The following PAWR variants were observed in gnomAD, a reference collection of about 807,000 sequenced individuals.
The protein encoded by PAWR is pro-apoptotic WT1 regulator.
A neutral mutation model predicts 32.0 loss-of-function variants in PAWR; 23 were observed. That is an observed-to-expected ratio of 0.72 (90% confidence interval 0.52 to 1.02). The LOEUF (loss-of-function observed/expected upper bound fraction) is 1.02, where lower values mean the gene tolerates loss of function less well. Ranked by LOEUF, PAWR falls within the 50% of genes least tolerant of loss-of-function variation. PAWR has a pLI of 0.00. For missense variants in PAWR, 457 were observed against 437.7 expected (o/e 1.04, Z -0.39); for synonymous variants, 226 against 187.1 (o/e 1.21, Z -1.70).
At position 79,585,468 on chromosome 12, in the gene PAWR, A is replaced by G. The variant is rs1012636814; in HGVS notation, c.*7139T>C. The G allele has an allele frequency of 1.1e-5, 2 of 186,942 alleles. No individual in the cohort carries two copies. Among genetic ancestry groups the G allele is most frequent in the African/African-American group, 4.8e-5 (2 of 41,860 alleles). The allele number at this position is 186,942 out of a possible 1,614,324, so 11.6% of individuals were successfully genotyped here. A position where few individuals can be genotyped will look rare whatever the true frequency, so the allele number is the denominator to read the frequency against. ...CATTTAATAAGACAATTCCATGATA[A>G]AAGTATATCATAACATAAAACCACA... On this transcript the variant is annotated 3_prime_UTR_variant, in exon 7 of 7. Transcript: ENST00000328827.
At chr12:79,632,787 A>G (rs1384564836) in intron 2 of PAWR, among the ~76,000 whole-genome samples, 2 of 152,112 alleles carry the variant, frequency 1.3e-5, no homozygotes, top group African/African-American at 2.4e-5. Context: ...CACTAAAAGG[A>G]AAAAGTTAAC....
intron 2 of PAWR, among the ~76,000 whole-genome samples, chr12:79,688,865 TATCAAAGTA>T (rs918618226): frequency 2.0e-5 from 3 of 152,226 alleles, no homozygotes; most frequent in Admixed American, 2.0e-4. Flanking sequence ...CATGAGCTAC[TATCAAAGTA>T]ATCAAAACTT....
At chr12:79,664,661 G>GGC (rs1555177489) in intron 2 of PAWR, among the ~76,000 whole-genome samples, 22 of 149,040 alleles carry the variant, frequency 1.5e-4, no homozygotes, top group Middle Eastern at 7.0e-3. Context: ...TCTTTGGCGG[G>GGC]GGGGGGAGGA....
chr12:79,689,369 A>T (rs1878848654), intron 2 of PAWR, among the ~76,000 whole-genome samples: 1 of 152,170 alleles, frequency 6.6e-6, no homozygotes, highest in Non-Finnish European at 1.5e-5. Flanking sequence ...GTCACCATTA[A>T]TCAATTTTTC....
intron 2 of PAWR, among the ~76,000 whole-genome samples, chr12:79,672,949 C>T (rs1877981219): frequency 6.6e-6 from 1 of 152,144 alleles, no homozygotes; most frequent in Admixed American, 6.5e-5. Context: ...AATTCTTCTA[C>T]AGCACACACT....
intron 4 of PAWR, 118 bp downstream of exon 4, chr12:79,613,457 G>A (rs1307039556): frequency 1.2e-5 from 6 of 498,418 alleles, no homozygotes; most frequent in Non-Finnish European, 2.2e-5. Flanking sequence ...ATTTTTAAGA[G>A]CACAGTAGAA....
intron 2 of PAWR, among the ~76,000 whole-genome samples, chr12:79,629,311 C>A (rs1875492915): frequency 6.6e-6 from 1 of 151,926 alleles, no homozygotes; most frequent in South Asian, 2.1e-4. Context: ...AAAGATGCAT[C>A]ATAAAACACA....
At position 79,640,465 on chromosome 12, in the gene PAWR, G is replaced by A. The variant is rs191620192; in HGVS notation, c.517-19258C>T. 2.4e-4 allele frequency among the ~76,000 whole-genome samples: 36 copies of A among 152,304 alleles called. 1 individual carries two copies. The highest frequency in any genetic ancestry group is 2.0e-3 in the Admixed American group (30 of 15,304). On this transcript the variant is annotated intron_variant, in intron 2 of 6. Transcript: ENST00000328827. ...CTGATTAGTATTTTGAATAGGCTGGGCATAGTGGCTCACACTTATAATCCC... is the reference window on the plus strand; with the variant it reads ...CTGATTAGTATTTTGAATAGGCTGGACATAGTGGCTCACACTTATAATCCC...
intron 4 of PAWR, chr12:79,604,736 A>C (rs1306732682): frequency 1.6e-6 from 2 of 1,274,496 alleles, no homozygotes; most frequent in Non-Finnish European, 2.0e-6. Context: ...AAATACAAAC[A>C]TACACATAAG....
chr12:79,647,955 T>C (rs2136789082), intron 2 of PAWR, among the ~76,000 whole-genome samples: 1 of 152,272 alleles, frequency 6.6e-6, no homozygotes, highest in African/African-American at 2.4e-5. Flanking sequence ...CATTAGATTC[T>C]CATAAAGAGC....
chr12:79,597,202 G>A (rs758271756), intron 4 of PAWR: 2 of 152,068 alleles, frequency 1.3e-5, no homozygotes, highest in African/African-American at 2.4e-5. Flanking sequence ...GGGACTACAC[G>A]TATGTGGCCA....
intron 3 of PAWR, among the ~76,000 whole-genome samples, chr12:79,614,615 T>C (rs1874638302): frequency 6.6e-6 from 1 of 152,194 alleles, no homozygotes. Flanking sequence ...AGTTTCACTT[T>C]AATAAAACAG....
At chr12:79,650,129 A>G (rs981257058) in intron 2 of PAWR, among the ~76,000 whole-genome samples, 2 of 152,194 alleles carry the variant, frequency 1.3e-5, no homozygotes, top group Admixed American at 1.3e-4. Context: ...AGGGTTTGAG[A>G]ACCCCTGAGT....
chr12:79,677,841 C>T (rs1878243156), intron 2 of PAWR, among the ~76,000 whole-genome samples: 1 of 152,106 alleles, frequency 6.6e-6, no homozygotes, highest in African/African-American at 2.4e-5. Flanking sequence ...AATCAGAATG[C>T]AATAAACTGG....
At chr12:79,600,874 C>T (rs911559527) in intron 4 of PAWR, among the ~76,000 whole-genome samples, 15 of 152,096 alleles carry the variant, frequency 9.9e-5, no homozygotes, top group South Asian at 6.2e-4. Flanking sequence ...CAACTTGCCA[C>T]GGCACTTGAA....
chr12:79,599,213 T>C (rs994342330), intron 4 of PAWR, among the ~76,000 whole-genome samples: 1 of 152,250 alleles, frequency 6.6e-6, no homozygotes, highest in African/African-American at 2.4e-5. Context: ...AAAGGTCAGT[T>C]TGAAGACCAA....
At chr12:79,637,538 C>T (rs958723610) in intron 2 of PAWR, among the ~76,000 whole-genome samples, 74 of 98,712 alleles carry the variant, frequency 7.5e-4, no homozygotes, top group Non-Finnish European at 6.7e-4. Flanking sequence ...CAACATTGAA[C>T]ATTAAAAAAA....
At chr12:79,606,079 A>G in intron 4 of PAWR, among the ~76,000 whole-genome samples, 1 of 152,092 alleles carries the variant, frequency 6.6e-6, no homozygotes, top group East Asian at 1.9e-4. Flanking sequence ...GCCTAAAAAC[A>G]AACAAACAAA....
chr12:79,680,685 C>T (rs1215925242), intron 2 of PAWR, among the ~76,000 whole-genome samples: 1 of 152,058 alleles, frequency 6.6e-6, no homozygotes, highest in Non-Finnish European at 1.5e-5. Flanking sequence ...ACCAACTTCC[C>T]AGTGAAATCA....
Sources: allele counts gnomAD v4.1 joint callset (sites outside exome capture counted in the v4.1 genomes callset), GRCh38; gene constraint gnomAD v4.1.1; transcripts MANE v1.5; gene names NCBI Gene and HGNC (gene_info 2026-07-23, HGNC 2026-07-21).